PAQR5: variants seen among roughly 807,000 people sequenced by gnomAD.
PAQR5 encodes the protein membrane progestin receptor gamma.
PAQR5 carries 20 observed loss-of-function variants against 34.5 expected under a neutral mutation model. That is an observed-to-expected ratio of 0.58 (90% CI 0.41 to 0.84). PAQR5 has a LOEUF of 0.84. Among genes scored for constraint, PAQR5 ranks in the 40% least tolerant of loss-of-function variants. The pLI is 0.00. For synonymous variants in PAQR5, 131 were observed against 155.6 expected, an observed-to-expected ratio of 0.84 and a Z score of 1.18; for missense variants, 378 against 412.7, an observed-to-expected ratio of 0.92 and a Z score of 0.73.
chr15:69,359,521 G>C (rs1467573982), intron 2 of PAQR5, among the ~76,000 whole-genome samples: 1 of 152,030 alleles, frequency 6.6e-6, no homozygotes, highest in Non-Finnish European at 1.5e-5. Context: ...GTAACTGGGG[G>C]TTGCATGCAC....
At chr15:69,341,129 T>G (rs2054629350) in intron 2 of PAQR5, among the ~76,000 whole-genome samples, 1 of 152,072 alleles carries the variant, frequency 6.6e-6, no homozygotes, top group Non-Finnish European at 1.5e-5. Context: ...TTCTTCATCT[T>G]CCCAAATAGA....
chr15:69,371,542 G>T (rs150372834), intron 3 of PAQR5, among the ~76,000 whole-genome samples: 201 of 152,152 alleles, frequency 1.3e-3, no homozygotes, highest in African/African-American at 4.6e-3. Flanking sequence ...AAAACAGTAG[G>T]GTTTTACTTA....
At chr15:69,325,810 C>A (rs756613978) in intron 1 of PAQR5, among the ~76,000 whole-genome samples, 6 of 152,144 alleles carry the variant, frequency 3.9e-5, no homozygotes, top group Admixed American at 6.5e-5. Flanking sequence ...CTCCACCCAC[C>A]GCAGTTTCTA....
At chr15:69,394,100 T>G (rs2056345083) in intron 6 of PAQR5, among the ~76,000 whole-genome samples, 1 of 147,480 alleles carries the variant, frequency 6.8e-6, no homozygotes, top group African/African-American at 2.7e-5. Flanking sequence ...AACCATTGAT[T>G]GTTTTTTTTT....
At chr15:69,356,901 C>T (rs1042183693) in intron 2 of PAQR5, among the ~76,000 whole-genome samples, 23 of 152,276 alleles carry the variant, frequency 1.5e-4, no homozygotes, top group Non-Finnish European at 2.4e-4. Flanking sequence ...GCGCAAGTCT[C>T]ATGTTGAAAT....
chr15:69,382,779 TATATATATATATATATATGACC>T (rs1197851796), intron 4 of PAQR5: 113 of 2,282 alleles, frequency 0.05, 3 homozygotes, highest in African/African-American at 0.092. Context: ...TATGTGACCA[TATATATATATATATATATGACC>T]ATATATATAT....
In PAQR5 at chr15:69,380,145, T is replaced by G. The variant is rs1595915841; in HGVS notation, c.179+135T>G. 4.5e-6 allele frequency: 4 copies of G among 886,608 alleles called. No individual in the cohort carries two copies. In the South Asian group the frequency reaches 6.3e-5, roughly 14 times the overall value. 54.9% of individuals were successfully genotyped at this position (886,608 alleles called of 1,614,324 possible). On this transcript the variant is annotated intron_variant, in intron 4 of 8. Coordinates refer to ENST00000395407, the MANE Select transcript of PAQR5 (RefSeq NM_017705.4). ...GGGATCCCCCGTGGGTACACGCGGG[T>G]GAAGGGAGTGTGTGACAGAGGGAAG... is the stretch of plus-strand genomic sequence containing the variant.
chr15:69,342,294 A>T (rs1329560549), intron 2 of PAQR5, among the ~76,000 whole-genome samples: 1 of 11,852 alleles, frequency 8.4e-5, no homozygotes, highest in African/African-American at 1.7e-4. Flanking sequence ...TATTATTATT[A>T]TTATTATTAT....
intron 1 of PAQR5, among the ~76,000 whole-genome samples, chr15:69,320,962 C>T (rs940865598): frequency 3.3e-5 from 5 of 152,260 alleles, no homozygotes; most frequent in Admixed American, 1.3e-4. Context: ...TATTTTCCGC[C>T]GACAAGGCCT....
intron 3 of PAQR5, among the ~76,000 whole-genome samples, chr15:69,372,336 G>C (rs1353034732): frequency 6.6e-6 from 1 of 152,150 alleles, no homozygotes; most frequent in African/African-American, 2.4e-5. Flanking sequence ...TTGAGGTCAG[G>C]AGTTCAAGAC....
At chr15:69,359,324 C>T (rs572682823) in intron 2 of PAQR5, among the ~76,000 whole-genome samples, 60 of 152,204 alleles carry the variant, frequency 3.9e-4, no homozygotes, top group Middle Eastern at 3.4e-3. Flanking sequence ...CAGGATGAGC[C>T]GCAGACAAAA....
At chr15:69,390,903 C>T (rs966617941) in intron 6 of PAQR5, among the ~76,000 whole-genome samples, 2 of 151,756 alleles carry the variant, frequency 1.3e-5, no homozygotes, top group Non-Finnish European at 2.9e-5. Context: ...GATAACTACA[C>T]CAATTTATTC....
chr15:69,371,324 T>G (rs969744376), intron 3 of PAQR5, among the ~76,000 whole-genome samples: 5 of 152,164 alleles, frequency 3.3e-5, no homozygotes, highest in Non-Finnish European at 5.9e-5. Context: ...GCAAGAAAAT[T>G]ATAAATTTTT....
intron 2 of PAQR5, among the ~76,000 whole-genome samples, chr15:69,356,565 C>A (rs568086709): frequency 5.9e-5 from 9 of 152,226 alleles, no homozygotes; most frequent in Admixed American, 3.3e-4. Flanking sequence ...CGTTGTGCAA[C>A]CATCGCCATC....
chr15:69,300,089 C>T (rs954183738), intron 1 of PAQR5, among the ~76,000 whole-genome samples: 2 of 152,130 alleles, frequency 1.3e-5, no homozygotes, highest in Admixed American at 6.5e-5. Context: ...TGCATGGTCG[C>T]TTCTGCATTC....
intron 1 of PAQR5, among the ~76,000 whole-genome samples, chr15:69,303,395 G>A (rs1403742778): frequency 6.6e-6 from 1 of 152,088 alleles, no homozygotes; most frequent in East Asian, 1.9e-4. Context: ...GCCACATGAG[G>A]CGATTGGTGA....
In PAQR5 at chr15:69,331,308, G is replaced by A. The variant is rs116029996; in HGVS notation, c.-276-6033G>A. ...TGCAGGGTGTCTGTTCAGCTCCTGCGGGGTCTCAGTTGGCTCTTTCTAACT... is the reference window on the plus strand; with the variant it reads ...TGCAGGGTGTCTGTTCAGCTCCTGCAGGGTCTCAGTTGGCTCTTTCTAACT... On this transcript the variant is annotated intron_variant, in intron 1 of 8. Coordinates refer to ENST00000395407, the MANE Select transcript of PAQR5 (RefSeq NM_017705.4). Among the ~76,000 whole-genome samples, 947 of 152,266 alleles carry A rather than the reference G, an allele frequency of 6.2e-3. 9 individuals carry two copies. Among genetic ancestry groups the A allele is most frequent in the African/African-American group, 0.021 (871 of 41,542 alleles).
chr15:69,371,358 T>A (rs1172029437), intron 3 of PAQR5, among the ~76,000 whole-genome samples: 4 of 152,168 alleles, frequency 2.6e-5, no homozygotes, highest in Non-Finnish European at 5.9e-5. Context: ...AACATTGTAA[T>A]GAGGCTGCAG....
chr15:69,304,096 A>T (rs1023066594), intron 1 of PAQR5, among the ~76,000 whole-genome samples: 1 of 152,206 alleles, frequency 6.6e-6, no homozygotes, highest in African/African-American at 2.4e-5. Context: ...CTTTGCCTGA[A>T]GAAACAAATC....
Sources: allele counts gnomAD v4.1 joint callset (sites outside exome capture counted in the v4.1 genomes callset), GRCh38; gene constraint gnomAD v4.1.1; transcripts MANE v1.5; gene names NCBI Gene and HGNC (gene_info 2026-07-23, HGNC 2026-07-21).